The following GRK1 variants were observed in gnomAD, a reference collection of about 807,000 sequenced individuals.
GRK1 encodes rhodopsin kinase GRK1.
In GRK1, 28 loss-of-function variants were observed where a neutral mutation model predicts 41.7. The observed-to-expected ratio is 0.67, with a 90% CI of 0.50 to 0.92. The LOEUF is 0.92. Ranked by LOEUF, GRK1 falls within the 40% of genes least tolerant of loss-of-function variation. GRK1 has a pLI of 0.00. For missense variants in GRK1, 703 were observed against 671.2 expected, an observed-to-expected ratio of 1.05 and a Z score of -0.52; for synonymous variants, 327 against 286.7, an observed-to-expected ratio of 1.14 and a Z score of -1.42.
chr13:113,733,513 G>A (rs868433151), intron 6 of GRK1, among the ~76,000 whole-genome samples: 1 of 132,246 alleles, frequency 7.6e-6, no homozygotes, highest in African/African-American at 2.6e-5. Context: ...GTGTGCACGT[G>A]TGTGTGCATG....
chr13:113,655,834 G>T, the GRK1 span, among the ~76,000 whole-genome samples: 4 of 152,288 alleles, frequency 2.6e-5, no homozygotes, highest in African/African-American at 9.6e-5. Flanking sequence ...ACAACCAAAG[G>T]GCAGGACCAA....
chr13:113,733,926 A>ATG (rs1491051495), intron 6 of GRK1, among the ~76,000 whole-genome samples: 2 of 45,972 alleles, frequency 4.4e-5, no homozygotes, highest in African/African-American at 1.6e-4. Flanking sequence ...GCGTGTGTGC[A>ATG]TGTGTGCATA....
the GRK1 span, chr13:113,649,331 G>C: frequency 1.3e-4 from 203 of 1,558,418 alleles, 1 homozygote; most frequent in African/African-American, 2.6e-3. The surrounding 1 kb of genome is among the most constrained non-coding windows in gnomAD (Gnocchi z 4.7). Flanking sequence ...GGGTGTCCTT[G>C]AGCGACCCCG....
rs893367689 is a variant in GRK1, at chr13:113,731,848, C to T, written c.1194+505C>T. Among the ~76,000 whole-genome samples the T allele has an allele frequency of 4.6e-5, 7 of 152,150 alleles. No homozygotes were observed. Among genetic ancestry groups the T allele is most frequent in the East Asian group, 1.9e-4 (1 of 5,188 alleles). On this transcript the variant is annotated intron_variant, in intron 5 of 6. Coordinates refer to ENST00000335678, the MANE Select transcript of GRK1 (RefSeq NM_002929.3). The surrounding 1 kb of genome is among the most constrained non-coding windows in gnomAD (Gnocchi z 5.6). ...CCCCTCCCTGGACGGTCTTATCCAT[C>T]GCTGTTGCAGAAGAGCAAGCTCCCC... is the stretch of plus-strand genomic sequence containing the variant.
chr13:113,730,953 G>A (rs1216462154), intron 4 of GRK1, among the ~76,000 whole-genome samples: 1 of 152,228 alleles, frequency 6.6e-6, no homozygotes, highest in Non-Finnish European at 1.5e-5. Flanking sequence ...CAGCACTAGA[G>A]TGGGCATGGG....
At chr13:113,653,248 C>T in the GRK1 span, 1 of 1,478,296 alleles carries the variant, frequency 6.8e-7, no homozygotes, top group South Asian at 1.2e-5. Context: ...CGCCGCTTCA[C>T]ACCTCACCCA....
intron 4 of GRK1, among the ~76,000 whole-genome samples, chr13:113,730,875 C>G (rs2049931940): frequency 6.6e-6 from 1 of 152,258 alleles, no homozygotes; most frequent in South Asian, 2.1e-4. Context: ...ATGTTGGATT[C>G]TCCCCAGTAA....
At chr13:113,670,292 G>A (rs576654111) in intron 2 of GRK1, among the ~76,000 whole-genome samples, 3 of 152,056 alleles carry the variant, frequency 2.0e-5, no homozygotes, top group South Asian at 2.1e-4. Context: ...GTCCTGCCCC[G>A]GATCTGCCGC....
Position 113,671,782 on chromosome 13 carries a change from T to C in GRK1, c.985+126T>C. ...GTGGACGGTGGGGGTTCATGAGGGC[T>C]GACGGCTTCGTGGACGGTGGAGGTG... On this transcript the variant is annotated intron_variant, in intron 3 of 6. Coordinates refer to ENST00000335678, the MANE Select transcript of GRK1 (RefSeq NM_002929.3). The surrounding 1 kb of genome is among the most constrained non-coding windows in gnomAD (Gnocchi z 4.1). 1.5e-6 allele frequency: 1 copy of C among 669,360 alleles called. No individual in the cohort carries two copies. The highest frequency in any genetic ancestry group is 2.1e-5 in the Admixed American group (1 of 48,154). 41.5% of individuals were successfully genotyped at this position (669,360 alleles called of 1,614,324 possible).
At chr13:113,728,898 A>T (rs2049913571) in intron 4 of GRK1, among the ~76,000 whole-genome samples, 2 of 152,158 alleles carry the variant, frequency 1.3e-5, no homozygotes, top group Admixed American at 1.3e-4. Context: ...AAGGCCCGGC[A>T]GGTGGGCAAG....
At chr13:113,672,775 T>C (rs1484800582) in intron 3 of GRK1, among the ~76,000 whole-genome samples, 2 of 75,004 alleles carry the variant, frequency 2.7e-5, no homozygotes, top group Non-Finnish European at 4.6e-5. Context: ...ATCACCACAT[T>C]TATCTCATTT....
chr13:113,733,511 GTGTGTGTGCA>G (rs1269289606), intron 6 of GRK1, among the ~76,000 whole-genome samples: 4 of 128,686 alleles, frequency 3.1e-5, no homozygotes, highest in Non-Finnish European at 6.4e-5. Context: ...GTGTGTGCAC[GTGTGTGTGCA>G]TGTGTGCGCG....
rs775100181 is a variant in GRK1 at position 113,667,506 on chromosome 13, G to C, written c.120G>C (p.Lys40Asn). ...ACAAGAAGTACCTGGCCAAGCTCAA[G>C]CTGCCCCCGCTGTCCAAGTGTGAGT... is the stretch of plus-strand genomic sequence containing the variant. ...SRDKKYLAKL[K>N]LPPLSKCESL... Residue 40 changes from lysine (K) to asparagine (N), a missense_variant, in exon 1 of 7, where the codon AAG becomes AAC. Transcript: ENST00000335678. This position sits in a 1 kb window ranked among gnomAD's most constrained non-coding sequence, Gnocchi z 7.5. The C allele has an allele frequency of 6.2e-7, 1 of 1,612,872 alleles. No homozygotes were observed. The highest frequency in any genetic ancestry group is 1.1e-5 in the South Asian group (1 of 90,896).
chr13:113,725,271 C>T (rs1424206357), intron 4 of GRK1, among the ~76,000 whole-genome samples: 2 of 151,444 alleles, frequency 1.3e-5, no homozygotes, highest in South Asian at 2.1e-4. Flanking sequence ...CAGGGGCGTG[C>T]ACAGGGCGGG....
the GRK1 span, among the ~76,000 whole-genome samples, chr13:113,656,572 G>A: frequency 6.6e-6 from 1 of 152,192 alleles, no homozygotes; most frequent in Non-Finnish European, 1.5e-5. Flanking sequence ...GTTGGGAGGT[G>A]ACTGAGAGTC....
intron 4 of GRK1, among the ~76,000 whole-genome samples, chr13:113,725,222 C>A (rs961805691): frequency 6.6e-6 from 1 of 152,182 alleles, no homozygotes; most frequent in South Asian, 2.1e-4. Context: ...CCATAAGAAG[C>A]CTGTCGGGGG....
intron 4 of GRK1, among the ~76,000 whole-genome samples, chr13:113,727,580 A>G (rs1163257399): frequency 6.7e-6 from 1 of 148,870 alleles, no homozygotes; most frequent in African/African-American, 2.5e-5. Flanking sequence ...ACCCATGGCA[A>G]TGAGGAGTAC....
Position 113,731,211 on chromosome 13 carries a change from G to A in GRK1, c.1070-8G>A. The A allele has an allele frequency of 2.6e-6, 4 of 1,536,836 alleles. No homozygotes were observed. The highest frequency in any genetic ancestry group is 3.5e-6 in the Non-Finnish European group (4 of 1,146,700). Reference sequence around the variant, plus strand: ...CACCTCTGAACCCGCAATGTCCCTTGCTGGCAGGTTTCATGGCCCCCGAGC... The same window carrying A: ...CACCTCTGAACCCGCAATGTCCCTTACTGGCAGGTTTCATGGCCCCCGAGC... On this transcript the variant is annotated splice_polypyrimidine_tract_variant and splice_region_variant and intron_variant, in intron 4 of 6. Transcript: ENST00000335678. The surrounding 1 kb of genome is among the most constrained non-coding windows in gnomAD (Gnocchi z 5.6).
At chr13:113,668,878 G>A (rs982709062) in intron 1 of GRK1, among the ~76,000 whole-genome samples, 3 of 152,208 alleles carry the variant, frequency 2.0e-5, no homozygotes, top group Non-Finnish European at 2.9e-5. Context: ...CTGGCTCTGC[G>A]GAACCTCAAC....
Sources: gnomAD v4.1 joint callset for allele counts (sites outside exome capture counted in the v4.1 genomes callset) on GRCh38, gnomAD v4.1.1 for gene constraint, Gnocchi (gnomAD v3.1) non-coding constraint, MANE v1.5 for transcripts, NCBI Gene and HGNC (gene_info 2026-07-23, HGNC 2026-07-21) for gene names.